SPMIP3: variants seen among roughly 807,000 people sequenced by gnomAD.
SPMIP3 encodes the protein protein SPMIP3.
At chr1:244,369,336 A>G in the SPMIP3 span, among the ~76,000 whole-genome samples, 1 of 152,074 alleles carries the variant, frequency 6.6e-6, no homozygotes, top group African/African-American at 2.4e-5. Context: ...TCGAAGATAC[A>G]GAATTTGTGT....
At chr1:244,384,639 T>G in the SPMIP3 span, among the ~76,000 whole-genome samples, 1 of 152,224 alleles carries the variant, frequency 6.6e-6, no homozygotes, top group African/African-American at 2.4e-5. Context: ...TCAGTCATTT[T>G]TAAAACTCCC....
At chr1:244,354,021 A>T in the SPMIP3 span, among the ~76,000 whole-genome samples, 1 of 152,148 alleles carries the variant, frequency 6.6e-6, no homozygotes, top group Non-Finnish European at 1.5e-5. Context: ...ATTTCCTCTA[A>T]TTTCATGAGC....
chr1:244,364,952 G>A, the SPMIP3 span, among the ~76,000 whole-genome samples: 9 of 152,168 alleles, frequency 5.9e-5, no homozygotes, highest in Admixed American at 2.6e-4. Flanking sequence ...CTGAGACGCC[G>A]AAGAAAGAGG....
At chr1:244,357,228 T>C in the SPMIP3 span, among the ~76,000 whole-genome samples, 2 of 151,662 alleles carry the variant, frequency 1.3e-5, no homozygotes, top group East Asian at 1.9e-4. Flanking sequence ...ACCATGGAGA[T>C]TGAAACAAAT....
the SPMIP3 span, chr1:244,378,713 C>T: frequency 6.8e-7 from 1 of 1,472,820 alleles, no homozygotes; most frequent in Admixed American, 1.9e-5. Context: ...CTCCTGTAGG[C>T]TTGCTGTCTC....
the SPMIP3 span, among the ~76,000 whole-genome samples, chr1:244,369,605 T>C: frequency 6.6e-6 from 1 of 152,230 alleles, no homozygotes; most frequent in East Asian, 1.9e-4. Context: ...GTGGGTCTTC[T>C]GGTCCCTGGT....
chr1:244,372,914 T>TTGTCTTGGACACTTCCC, the SPMIP3 span, among the ~76,000 whole-genome samples: 1 of 152,178 alleles, frequency 6.6e-6, no homozygotes, highest in Admixed American at 6.5e-5. Context: ...AGATGCAGCT[T>TTGTCTTGGACACTTCCC]TGTCTTGGAC....
chr1:244,378,523 T>C, the SPMIP3 span: 1 of 1,613,930 alleles, frequency 6.2e-7, no homozygotes, highest in South Asian at 1.1e-5. Context: ...CAGCCTCAAT[T>C]AGACCAACAA....
chr1:244,364,507 C>A, the SPMIP3 span, among the ~76,000 whole-genome samples: 1 of 151,966 alleles, frequency 6.6e-6, no homozygotes, highest in Admixed American at 6.6e-5. Context: ...CTTGCCATTT[C>A]TTTTTGCTCC....
At chr1:244,373,332 T>TTTATATATATA in the SPMIP3 span, among the ~76,000 whole-genome samples, 18 of 85,138 alleles carry the variant, frequency 2.1e-4, no homozygotes, top group African/African-American at 7.4e-4. Context: ...CAAAAAAAAA[T>TTTATATATATA]TATATATATA....
chr1:244,357,439 G>A, the SPMIP3 span, among the ~76,000 whole-genome samples: 1 of 152,092 alleles, frequency 6.6e-6, no homozygotes, highest in East Asian at 1.9e-4. Flanking sequence ...CTGGGCGCAG[G>A]GGGCTCACGG....
the SPMIP3 span, among the ~76,000 whole-genome samples, chr1:244,371,721 C>T: frequency 1.1e-4 from 17 of 152,318 alleles, no homozygotes; most frequent in Admixed American, 9.2e-4. Flanking sequence ...TAGAAACCAG[C>T]ATCCTTTAGG....
chr1:244,363,896 C>T, the SPMIP3 span, among the ~76,000 whole-genome samples: 2 of 152,130 alleles, frequency 1.3e-5, no homozygotes, highest in East Asian at 1.9e-4. Context: ...CAAGTACAGC[C>T]GATGCAAGGG....
At chr1:244,362,010 T>C in the SPMIP3 span, among the ~76,000 whole-genome samples, 6 of 151,824 alleles carry the variant, frequency 4.0e-5, no homozygotes, top group East Asian at 3.9e-4. Flanking sequence ...TTCTTTCTCT[T>C]TCTCTCTCTC....
chr1:244,376,196 G>A, the SPMIP3 span, among the ~76,000 whole-genome samples: 11 of 152,198 alleles, frequency 7.2e-5, no homozygotes, highest in African/African-American at 9.6e-5. Context: ...CCACGAGCAC[G>A]GTCAGATTCT....
chr1:244,360,448 C>A, the SPMIP3 span, among the ~76,000 whole-genome samples: 3 of 148,186 alleles, frequency 2.0e-5, no homozygotes, highest in South Asian at 2.2e-4. Context: ...TTCACAATAG[C>A]CAAGCTATGG....
the SPMIP3 span, chr1:244,389,411 G>A: frequency 4.8e-5 from 8 of 165,380 alleles, no homozygotes; most frequent in East Asian, 3.4e-4. Context: ...AAAAAGAACC[G>A]GGGGGACATG....
At chr1:244,372,923 A>G in the SPMIP3 span, among the ~76,000 whole-genome samples, 2 of 152,054 alleles carry the variant, frequency 1.3e-5, no homozygotes, top group African/African-American at 4.8e-5. Flanking sequence ...TTTGTCTTGG[A>G]CACTTCCCTG....
At chr1:244,387,010 T>G in the SPMIP3 span, among the ~76,000 whole-genome samples, 1 of 152,322 alleles carries the variant, frequency 6.6e-6, no homozygotes, top group East Asian at 1.9e-4. Context: ...TAATAAAGTT[T>G]TGTTACAATG....
Sources: allele counts gnomAD v4.1 joint callset (sites outside exome capture counted in the v4.1 genomes callset), GRCh38; gene constraint gnomAD v4.1.1; transcripts MANE v1.5; gene names NCBI Gene and HGNC (gene_info 2026-07-23, HGNC 2026-07-21).